Variants in CTNND2 observed in about 807,000 individuals in gnomAD.
CTNND2 encodes catenin delta-2.
In CTNND2, 22 loss-of-function variants were observed where a neutral mutation model predicts 144.4. The ratio of observed to expected loss-of-function variants is 0.15; its 90% confidence interval spans 0.11 to 0.22. CTNND2 has a LOEUF of 0.22. CTNND2 is among the 10% of genes least tolerant of loss of function. CTNND2 has a pLI of 1.00. For missense variants in CTNND2, 1,353 were observed against 1,618.8 expected (o/e 0.84, Z 2.82); for synonymous variants, 751 against 695.6 (o/e 1.08, Z -1.25).
intron 1 of CTNND2, among the ~76,000 whole-genome samples, chr5:11,848,891 A>G (rs1794880957): frequency 6.6e-6 from 1 of 152,164 alleles, no homozygotes; most frequent in Non-Finnish European, 1.5e-5. Context: ...ACCATCAGGA[A>G]AAAGTACATT....
At chr5:11,111,148 G>A in intron 13 of CTNND2, 105 bp from the exon 14 acceptor site, 2 of 1,252,524 alleles carry the variant, frequency 1.6e-6, no homozygotes, top group Non-Finnish European at 2.2e-6. Flanking sequence ...ATTTCTCTTT[G>A]GAAGTGTTTA....
At chr5:11,588,708 G>T (rs553466188) in intron 2 of CTNND2, 9 of 963,152 alleles carry the variant, frequency 9.3e-6, no homozygotes, top group African/African-American at 1.8e-5. Context: ...AACCAAACGC[G>T]GTTAGTTTTC....
intron 2 of CTNND2, among the ~76,000 whole-genome samples, chr5:11,638,936 G>T (rs932797998): frequency 6.6e-6 from 1 of 152,142 alleles, no homozygotes; most frequent in African/African-American, 2.4e-5. Context: ...AGATTTCCAT[G>T]ATCTGTGACA....
At chr5:11,191,305 G>A (rs747344354) in intron 11 of CTNND2, among the ~76,000 whole-genome samples, 5 of 152,212 alleles carry the variant, frequency 3.3e-5, no homozygotes, top group Non-Finnish European at 7.3e-5. Context: ...CCATAGGATT[G>A]AGGAAAACCT....
intron 3 of CTNND2, among the ~76,000 whole-genome samples, chr5:11,462,150 A>G (rs1243975363): frequency 3.3e-5 from 5 of 152,106 alleles, no homozygotes; most frequent in Non-Finnish European, 7.4e-5. Context: ...GGATATCTAA[A>G]CACACTTCTG....
chr5:11,836,600 A>G (rs1179032360), intron 1 of CTNND2, among the ~76,000 whole-genome samples: 3 of 152,150 alleles, frequency 2.0e-5, no homozygotes, highest in African/African-American at 7.2e-5. Context: ...GAAATGAAGT[A>G]CCCATAAAGA....
At chr5:11,032,345 T>C (rs1743569353) in intron 16 of CTNND2, among the ~76,000 whole-genome samples, 1 of 152,208 alleles carries the variant, frequency 6.6e-6, no homozygotes, top group African/African-American at 2.4e-5. Context: ...ATGTTTTGTC[T>C]CTCATTTCTC....
chr5:11,258,657 A>T, intron 9 of CTNND2, among the ~76,000 whole-genome samples: 1 of 152,308 alleles, frequency 6.6e-6, no homozygotes. Context: ...GGTTATGAAA[A>T]ACACTCATGA....
At chr5:11,200,395 C>T (rs1737301691) in intron 10 of CTNND2, among the ~76,000 whole-genome samples, 1 of 152,032 alleles carries the variant, frequency 6.6e-6, no homozygotes, top group Non-Finnish European at 1.5e-5. Flanking sequence ...ATTTGGGGAA[C>T]AATTTTAAAA....
At chr5:11,597,276 C>T (rs1042495333) in intron 2 of CTNND2, among the ~76,000 whole-genome samples, 15 of 152,128 alleles carry the variant, frequency 9.9e-5, no homozygotes, top group African/African-American at 2.2e-4. Context: ...AGCTTAAGTT[C>T]GTTCTAGAAC....
intron 2 of CTNND2, among the ~76,000 whole-genome samples, chr5:11,594,262 C>T (rs895034702): frequency 1.3e-5 from 2 of 152,194 alleles, no homozygotes; most frequent in Admixed American, 1.3e-4. Context: ...GAGTCTCACA[C>T]ACATAACAGT....
intron 2 of CTNND2, among the ~76,000 whole-genome samples, chr5:11,688,195 C>A (rs1784743358): frequency 6.6e-6 from 1 of 152,110 alleles, no homozygotes; most frequent in African/African-American, 2.4e-5. Flanking sequence ...TCAAGCCAAT[C>A]TTCCAAGCTG....
intron 1 of CTNND2, among the ~76,000 whole-genome samples, chr5:11,887,572 A>T (rs1219318397): frequency 6.6e-6 from 1 of 152,066 alleles, no homozygotes; most frequent in Admixed American, 6.5e-5. Flanking sequence ...ATCTTTTAGG[A>T]CCTAATTTCT....
intron 9 of CTNND2, among the ~76,000 whole-genome samples, chr5:11,302,677 T>C (rs1019494790): frequency 3.9e-5 from 6 of 152,168 alleles, no homozygotes; most frequent in African/African-American, 1.4e-4. Context: ...GAAACCATGC[T>C]GAGGAGTCAC....
intron 8 of CTNND2, 60 bp downstream of exon 8, chr5:11,364,636 G>A (rs988760680): frequency 7.9e-6 from 11 of 1,391,270 alleles, no homozygotes; most frequent in Non-Finnish European, 1.1e-5. Flanking sequence ...TGTTATTGAA[G>A]CTCCCGCGCA....
chr5:11,836,916 C>T (rs1794214425), intron 1 of CTNND2, among the ~76,000 whole-genome samples: 2 of 152,138 alleles, frequency 1.3e-5, no homozygotes. Context: ...ACCAGTGGTC[C>T]AAGGCAAAAG....
At chr5:11,673,009 C>A (rs1031372204) in intron 2 of CTNND2, among the ~76,000 whole-genome samples, 1 of 152,140 alleles carries the variant, frequency 6.6e-6, no homozygotes, top group Non-Finnish European at 1.5e-5. Context: ...CCTTTTGCAT[C>A]GATCTTGCTG....
At chr5:11,269,903 G>A (rs1292248268) in intron 9 of CTNND2, among the ~76,000 whole-genome samples, 1 of 152,020 alleles carries the variant, frequency 6.6e-6, no homozygotes, top group African/African-American at 2.4e-5. Context: ...GATTGAAAAC[G>A]AAAAAAACAC....
At chr5:11,693,220 C>T (rs1784990312) in intron 2 of CTNND2, among the ~76,000 whole-genome samples, 1 of 152,202 alleles carries the variant, frequency 6.6e-6, no homozygotes, top group Non-Finnish European at 1.5e-5. Flanking sequence ...AGTGGAGCCT[C>T]TCCAGACCCT....
Sources: allele counts gnomAD v4.1 joint callset (sites outside exome capture counted in the v4.1 genomes callset), GRCh38; gene constraint gnomAD v4.1.1; transcripts MANE v1.5; gene names NCBI Gene and HGNC (gene_info 2026-07-23, HGNC 2026-07-21).